Variants in DLG2 observed in about 807,000 individuals in gnomAD.
DLG2 encodes the protein discs large MAGUK scaffold protein 2, also known as disks large homolog 2.
A neutral mutation model predicts 132.5 loss-of-function variants in DLG2; 45 were observed. The observed-to-expected ratio is 0.34, with a 90% CI of 0.27 to 0.44. The LOEUF (loss-of-function observed/expected upper bound fraction) is 0.44, where lower values mean the gene tolerates loss of function less well. Among genes scored for constraint, DLG2 ranks in the 20% least tolerant of loss-of-function variants. The probability of loss-of-function intolerance (pLI) is 1.00; values close to 1 mark genes in which losing one functional copy is unlikely to be tolerated. For synonymous variants in DLG2, 424 were observed against 419.6 expected (o/e 1.01, Z -0.13); for missense variants, 1,045 against 1,196.9 (o/e 0.87, Z 1.87).
At chr11:84,049,748 G>A (rs993869005) in intron 11 of DLG2, among the ~76,000 whole-genome samples, 1 of 151,634 alleles carries the variant, frequency 6.6e-6, no homozygotes, top group Non-Finnish European at 1.5e-5. Context: ...ATGCCCTATG[G>A]GTTACTTGGC....
intron 16 of DLG2, among the ~76,000 whole-genome samples, chr11:83,872,021 T>C (rs894172304): frequency 8.5e-5 from 13 of 152,244 alleles, no homozygotes; most frequent in African/African-American, 2.9e-4. Context: ...ATCCCAGCAC[T>C]TTGGGAGGCT....
chr11:85,461,070 T>C (rs72953905), intron 3 of DLG2, among the ~76,000 whole-genome samples: 4,696 of 152,344 alleles, frequency 0.031, 99 homozygotes, highest in Non-Finnish European at 0.048. Flanking sequence ...TCTTAAACTT[T>C]ACCATTCATA....
chr11:84,517,093 A>T (rs919542814), intron 7 of DLG2, among the ~76,000 whole-genome samples: 1 of 148,802 alleles, frequency 6.7e-6, no homozygotes, highest in Admixed American at 6.7e-5. Context: ...CATTGGTTTG[A>T]GCAATAATTT....
intron 6 of DLG2, among the ~76,000 whole-genome samples, chr11:84,589,436 A>C (rs1448860602): frequency 6.6e-6 from 1 of 152,182 alleles, no homozygotes; most frequent in Non-Finnish European, 1.5e-5. Flanking sequence ...TCACTCTAGA[A>C]GCTCAATCCT....
intron 3 of DLG2, among the ~76,000 whole-genome samples, chr11:85,377,903 A>T (rs573165109): frequency 6.7e-6 from 1 of 150,370 alleles, no homozygotes; most frequent in East Asian, 1.9e-4. Flanking sequence ...ACACACATAC[A>T]TATATATATA....
chr11:85,299,430 T>A (rs1276211452), intron 3 of DLG2, among the ~76,000 whole-genome samples: 1 of 152,198 alleles, frequency 6.6e-6, no homozygotes, highest in Non-Finnish European at 1.5e-5. Flanking sequence ...CTAGGATGTT[T>A]TATGGACCAT....
chr11:84,189,349 G>A (rs566407066), intron 8 of DLG2, among the ~76,000 whole-genome samples: 56 of 152,294 alleles, frequency 3.7e-4, no homozygotes, highest in Admixed American at 1.7e-3. Context: ...ATGTTGTGGA[G>A]AAAAAGGTAC....
intron 3 of DLG2, among the ~76,000 whole-genome samples, chr11:85,341,366 C>T (rs1408070643): frequency 4.6e-5 from 7 of 152,128 alleles, no homozygotes; most frequent in Non-Finnish European, 4.4e-5. Flanking sequence ...GTGATCTGCC[C>T]GCCTGGGCCT....
intron 7 of DLG2, among the ~76,000 whole-genome samples, chr11:84,456,104 G>A (rs1007026745): frequency 6.6e-6 from 1 of 151,262 alleles, no homozygotes; most frequent in Admixed American, 6.6e-5. Flanking sequence ...ACAATCTTAT[G>A]GTGACTATAT....
intron 16 of DLG2, among the ~76,000 whole-genome samples, chr11:83,846,777 A>G (rs1595356923): frequency 6.6e-6 from 1 of 152,144 alleles, no homozygotes; most frequent in Non-Finnish European, 1.5e-5. Context: ...TATTTGGAGT[A>G]CTTTCTTATC....
chr11:84,771,182 GA>G (rs1404993943), intron 6 of DLG2, among the ~76,000 whole-genome samples: 1 of 152,152 alleles, frequency 6.6e-6, no homozygotes, highest in African/African-American at 2.4e-5. Flanking sequence ...TTAGGACTTT[GA>G]GGAATTGCCA....
At chr11:84,863,954 G>C (rs1189594968) in intron 6 of DLG2, among the ~76,000 whole-genome samples, 2 of 152,126 alleles carry the variant, frequency 1.3e-5, no homozygotes, top group African/African-American at 2.4e-5. Context: ...TGCTGGTAAG[G>C]ATTCAGTGAA....
intron 6 of DLG2, among the ~76,000 whole-genome samples, chr11:85,006,667 C>A (rs1349440031): frequency 1.3e-5 from 2 of 150,944 alleles, no homozygotes; most frequent in Admixed American, 1.3e-4. Context: ...TGATCTTTTT[C>A]AAAAAAAACA....
chr11:84,378,436 A>G (rs2098737500), intron 7 of DLG2, among the ~76,000 whole-genome samples: 1 of 152,168 alleles, frequency 6.6e-6, no homozygotes, highest in African/African-American at 2.4e-5. Context: ...TCTATTATTT[A>G]AGCCATTCAG....
intron 6 of DLG2, among the ~76,000 whole-genome samples, chr11:84,922,013 C>T (rs2092780298): frequency 1.3e-5 from 2 of 152,076 alleles, no homozygotes; most frequent in African/African-American, 4.8e-5. Context: ...TAAATACCTA[C>T]CTGTTTGAAA....
intron 5 of DLG2, among the ~76,000 whole-genome samples, chr11:85,123,860 T>A (rs749937225): frequency 7.9e-5 from 12 of 152,206 alleles, no homozygotes; most frequent in Non-Finnish European, 1.8e-4. Context: ...TGGTACTATC[T>A]TTGAACGCAC....
intron 3 of DLG2, among the ~76,000 whole-genome samples, chr11:85,552,726 A>G (rs2153221040): frequency 6.6e-6 from 1 of 151,590 alleles, no homozygotes; most frequent in South Asian, 2.1e-4. Flanking sequence ...TAAGAAAATT[A>G]CCCAAAATCC....
chr11:84,412,755 C>T (rs897364397), intron 7 of DLG2, among the ~76,000 whole-genome samples: 10 of 152,138 alleles, frequency 6.6e-5, no homozygotes, highest in Non-Finnish European at 1.2e-4. Flanking sequence ...TTTAAGTTTT[C>T]CTCATTCTGC....
chr11:84,771,513 C>T (rs1234522837), intron 6 of DLG2, among the ~76,000 whole-genome samples: 1 of 152,078 alleles, frequency 6.6e-6, no homozygotes, highest in African/African-American at 2.4e-5. Context: ...GGATATTAGA[C>T]CTTTGTCAGA....
Sources: allele counts gnomAD v4.1 joint callset (sites outside exome capture counted in the v4.1 genomes callset), GRCh38; gene constraint gnomAD v4.1.1; transcripts MANE v1.5; gene names NCBI Gene and HGNC (gene_info 2026-07-23, HGNC 2026-07-21).